Variants in PCDH9 observed in about 807,000 individuals in gnomAD.
PCDH9 encodes the protein protocadherin 9.
Under a neutral mutation model 70.6 loss-of-function variants are expected in PCDH9, and 24 were observed. That is an observed-to-expected ratio of 0.34 (90% CI 0.25 to 0.48). The LOEUF is 0.48. Ranked by LOEUF, PCDH9 falls within the 20% of genes least tolerant of loss-of-function variation. PCDH9 has a pLI of 0.99. For missense variants in PCDH9, 1,281 were observed against 1,503.6 expected (o/e 0.85, Z 2.45); for synonymous variants, 562 against 558.5 (o/e 1.01, Z -0.09).
At chr13:66,654,099 T>A (rs2077892900) in intron 3 of PCDH9, among the ~76,000 whole-genome samples, 1 of 152,014 alleles carries the variant, frequency 6.6e-6, no homozygotes, top group Non-Finnish European at 1.5e-5. Context: ...GCACCCAATA[T>A]GTGGTACATA....
At chr13:66,955,546 T>C (rs1159414909) in intron 2 of PCDH9, among the ~76,000 whole-genome samples, 2 of 152,190 alleles carry the variant, frequency 1.3e-5, no homozygotes, top group African/African-American at 2.4e-5. Context: ...TTTCATGTTA[T>C]GAGACCTCTT....
chr13:67,150,801 T>C (rs1299108708), intron 2 of PCDH9, among the ~76,000 whole-genome samples: 4 of 152,212 alleles, frequency 2.6e-5, no homozygotes, highest in Non-Finnish European at 4.4e-5. Context: ...CCTAATCTAA[T>C]AGAACTCCAG....
intron 3 of PCDH9, among the ~76,000 whole-genome samples, chr13:66,645,667 T>C (rs1039810039): frequency 7.2e-5 from 11 of 152,148 alleles, no homozygotes; most frequent in African/African-American, 1.4e-4. Context: ...TTAAGAAAAG[T>C]TGAGACTCCC....
intron 4 of PCDH9, among the ~76,000 whole-genome samples, chr13:66,491,178 A>C (rs776034838): frequency 2.6e-5 from 4 of 152,090 alleles, no homozygotes; most frequent in Non-Finnish European, 5.9e-5. Context: ...GCACACTTGG[A>C]TAGGATTCAG....
chr13:66,719,964 G>C (rs938285982), intron 3 of PCDH9, among the ~76,000 whole-genome samples: 1 of 152,130 alleles, frequency 6.6e-6, no homozygotes, highest in East Asian at 1.9e-4. Flanking sequence ...GAAGAAGGAA[G>C]TATCTGTGGA....
At chr13:67,025,759 C>G (rs1249457386) in intron 2 of PCDH9, among the ~76,000 whole-genome samples, 1 of 152,110 alleles carries the variant, frequency 6.6e-6, no homozygotes, top group East Asian at 1.9e-4. Flanking sequence ...GGTATATCCA[C>G]ATGTCAAACG....
intron 4 of PCDH9, among the ~76,000 whole-genome samples, chr13:66,543,437 C>T (rs550430049): frequency 1.2e-4 from 18 of 152,014 alleles, no homozygotes; most frequent in African/African-American, 3.6e-4. Flanking sequence ...CGTGGTGGCA[C>T]GCTCCTGTAA....
intron 2 of PCDH9, among the ~76,000 whole-genome samples, chr13:66,962,377 C>T (rs117038487): frequency 0.017 from 2,493 of 149,020 alleles, 98 homozygotes; most frequent in Admixed American, 0.084. Flanking sequence ...AAGACACCTC[C>T]AAAGAAAAAC....
intron 2 of PCDH9, chr13:67,222,743 C>T (rs545867287): frequency 2.6e-4 from 40 of 152,118 alleles, no homozygotes; most frequent in Non-Finnish European, 5.2e-4. Flanking sequence ...AAATGTTACT[C>T]TTTCAAAATT....
At chr13:66,352,755 A>G (rs1204641937) in intron 4 of PCDH9, among the ~76,000 whole-genome samples, 2 of 152,166 alleles carry the variant, frequency 1.3e-5, no homozygotes, top group East Asian at 3.9e-4. Flanking sequence ...CATAATAATA[A>G]CCCATCTTGT....
At chr13:66,741,591 C>T (rs973547868) in intron 3 of PCDH9, among the ~76,000 whole-genome samples, 1 of 12,520 alleles carries the variant, frequency 8.0e-5, no homozygotes, top group African/African-American at 1.4e-4. Context: ...ATCTAGAAAA[C>T]CCCATTGTCT....
intron 2 of PCDH9, among the ~76,000 whole-genome samples, chr13:67,032,154 G>A (rs200333248): frequency 6.6e-6 from 1 of 151,720 alleles, no homozygotes; most frequent in Non-Finnish European, 1.5e-5. Flanking sequence ...CACTTTTTTG[G>A]GGGGGTGAGG....
At chr13:66,646,539 T>G (rs1488606855) in intron 3 of PCDH9, among the ~76,000 whole-genome samples, 1 of 152,192 alleles carries the variant, frequency 6.6e-6, no homozygotes, top group African/African-American at 2.4e-5. Flanking sequence ...TATTTTTTCC[T>G]TAATGACAGT....
chr13:66,348,227 C>A (rs536125626), intron 4 of PCDH9, among the ~76,000 whole-genome samples: 1 of 152,180 alleles, frequency 6.6e-6, no homozygotes, highest in South Asian at 2.1e-4. Flanking sequence ...AGCTTACCTG[C>A]ATCTGGATCA....
intron 4 of PCDH9, among the ~76,000 whole-genome samples, chr13:66,614,784 G>A (rs1381618033): frequency 6.6e-6 from 1 of 152,124 alleles, no homozygotes; most frequent in African/African-American, 2.4e-5. Context: ...GGGTACACTC[G>A]CCAGCAGTTT....
chr13:66,956,111 G>A (rs867875332), intron 2 of PCDH9, among the ~76,000 whole-genome samples: 3 of 151,874 alleles, frequency 2.0e-5, no homozygotes, highest in African/African-American at 4.8e-5. Flanking sequence ...AACAAAAACA[G>A]AGGGCTGAGC....
intron 4 of PCDH9, among the ~76,000 whole-genome samples, chr13:66,486,619 G>C (rs1309283753): frequency 7.1e-6 from 1 of 141,038 alleles, no homozygotes; most frequent in Admixed American, 7.4e-5. Flanking sequence ...CTGGAGGACA[G>C]AGTGAGATGC....
intron 3 of PCDH9, among the ~76,000 whole-genome samples, chr13:66,653,447 A>G (rs2077880548): frequency 6.6e-6 from 1 of 152,206 alleles, no homozygotes; most frequent in Non-Finnish European, 1.5e-5. Context: ...AATGTACATC[A>G]AAACTACAAT....
At chr13:67,198,041 C>T (rs1219081682) in intron 2 of PCDH9, among the ~76,000 whole-genome samples, 4 of 151,252 alleles carry the variant, frequency 2.6e-5, no homozygotes, top group Non-Finnish European at 5.9e-5. Flanking sequence ...TATATATTTA[C>T]ACTAAAAATA....
Sources: allele counts gnomAD v4.1 joint callset (sites outside exome capture counted in the v4.1 genomes callset), GRCh38; gene constraint gnomAD v4.1.1; transcripts MANE v1.5; gene names NCBI Gene and HGNC (gene_info 2026-07-23, HGNC 2026-07-21).